RIC1: variants seen among roughly 807,000 people sequenced by gnomAD.
RIC1 encodes the protein guanine nucleotide exchange factor subunit RIC1.
In RIC1, 88 loss-of-function variants were observed where a neutral mutation model predicts 169.0. The observed-to-expected ratio is 0.52, with a 90% CI of 0.44 to 0.62. The LOEUF is 0.62. RIC1 is among the 20% of genes least tolerant of loss of function. The pLI is 0.00. For synonymous variants in RIC1, 790 were observed against 601.5 expected (o/e 1.31, Z -4.59); for missense variants, 1,877 against 1,725.5 (o/e 1.09, Z -1.56).
intron 7 of RIC1, among the ~76,000 whole-genome samples, chr9:5,736,148 A>T (rs1824690370): frequency 6.6e-6 from 1 of 152,242 alleles, no homozygotes; most frequent in Non-Finnish European, 1.5e-5. Flanking sequence ...GAGCTCAGCA[A>T]CCCAGGGTTA....
At chr9:5,664,707 T>A (rs1226254439) in intron 2 of RIC1, among the ~76,000 whole-genome samples, 3 of 152,198 alleles carry the variant, frequency 2.0e-5, no homozygotes, top group Non-Finnish European at 4.4e-5. Context: ...GAAATATGTT[T>A]TCCAACTTCG....
intron 17 of RIC1, among the ~76,000 whole-genome samples, chr9:5,758,228 AGG>A (rs1461024372): frequency 6.6e-6 from 1 of 152,182 alleles, no homozygotes; most frequent in African/African-American, 2.4e-5. Flanking sequence ...GTAAAGTAAC[AGG>A]GTAAGAAGTA....
At chr9:5,777,700 C>T (rs1033624456), downstream of RIC1, among the ~76,000 whole-genome samples, 3 of 152,196 alleles carry the variant, frequency 2.0e-5, no homozygotes, top group East Asian at 1.9e-4. Context: ...GATCTGACTT[C>T]GTTCTTCTAA....
At chr9:5,636,080 G>A (rs34232374) in intron 1 of RIC1, among the ~76,000 whole-genome samples, 24,699 of 152,086 alleles carry the variant, frequency 0.16, 3,780 homozygotes, top group African/African-American at 0.4. Context: ...TTGTTTTTCT[G>A]TTTATGTGAA....
intron 2 of RIC1, among the ~76,000 whole-genome samples, chr9:5,662,505 C>T (rs1012702349): frequency 1.3e-5 from 2 of 151,088 alleles, no homozygotes; most frequent in Non-Finnish European, 2.9e-5. Context: ...TATTACTTCT[C>T]AATTTCAGGA....
At chr9:5,647,194 G>A (rs953730654) in intron 1 of RIC1, among the ~76,000 whole-genome samples, 7 of 152,130 alleles carry the variant, frequency 4.6e-5, no homozygotes, top group Non-Finnish European at 8.8e-5. Context: ...GTGCCAGTAC[G>A]ACAGTATTTT....
intron 3 of RIC1, among the ~76,000 whole-genome samples, chr9:5,704,753 C>T (rs1408341545): frequency 6.6e-6 from 1 of 152,012 alleles, no homozygotes; most frequent in Non-Finnish European, 1.5e-5. Context: ...AATGCAAGGC[C>T]ATGACAATTT....
chr9:5,725,033 C>G (rs944359297), intron 6 of RIC1, among the ~76,000 whole-genome samples: 1 of 152,056 alleles, frequency 6.6e-6, no homozygotes, highest in African/African-American at 2.4e-5. Flanking sequence ...TTTGTTGTGT[C>G]TCTGCCAGGC....
intron 1 of RIC1, among the ~76,000 whole-genome samples, chr9:5,632,079 G>C (rs1036224308): frequency 6.6e-6 from 1 of 152,186 alleles, no homozygotes; most frequent in South Asian, 2.1e-4. Context: ...TTACAGAGTT[G>C]AAGTCTTACA....
chr9:5,753,464 ATACTAAGCTCTTTATGCCTAATAAAGTAT>A, intron 13 of RIC1, 43 bp from the exon 14 acceptor site: 1 of 955,880 alleles, frequency 1.0e-6, no homozygotes, highest in Non-Finnish European at 1.6e-6. Context: ...GCCTGACACA[ATACTAAGCTCTTTATGCCTAATAAAGTAT>A]ATAGGTTTGC....
At chr9:5,744,418 G>C (rs1413325251) in intron 10 of RIC1, among the ~76,000 whole-genome samples, 1 of 152,100 alleles carries the variant, frequency 6.6e-6, no homozygotes, top group Admixed American at 6.6e-5. Flanking sequence ...GAGAATTATG[G>C]TCACTGTTGT....
intron 1 of RIC1, among the ~76,000 whole-genome samples, chr9:5,651,271 C>G (rs894025911): frequency 1.3e-5 from 2 of 152,136 alleles, no homozygotes; most frequent in African/African-American, 4.8e-5. Flanking sequence ...TTCTTCCTTG[C>G]TTTAGGTGTT....
intron 4 of RIC1, among the ~76,000 whole-genome samples, chr9:5,715,426 T>C (rs1000503852): frequency 6.6e-6 from 1 of 152,198 alleles, no homozygotes. Context: ...ATTTAGGTGG[T>C]TGGAAATCTG....
At chr9:5,657,705 T>A (rs367547127) in intron 2 of RIC1, among the ~76,000 whole-genome samples, 2 of 152,160 alleles carry the variant, frequency 1.3e-5, no homozygotes, top group African/African-American at 4.8e-5. Context: ...GTTCATATGA[T>A]GAAAAATACT....
chr9:5,638,985 G>C (rs900991252), intron 1 of RIC1, among the ~76,000 whole-genome samples: 3 of 152,036 alleles, frequency 2.0e-5, no homozygotes, highest in East Asian at 1.9e-4. Flanking sequence ...GTGCAATCTC[G>C]TCTCACTGTA....
chr9:5,697,891 T>C (rs1821999194), intron 3 of RIC1, among the ~76,000 whole-genome samples: 1 of 152,192 alleles, frequency 6.6e-6, no homozygotes, highest in Non-Finnish European at 1.5e-5. Flanking sequence ...AAATAACAGA[T>C]TGCCAGGTAA....
At position 5,752,444 on chromosome 9, in the gene RIC1, G is replaced by GT. The variant is rs1218737207; in HGVS notation, c.1453-744dup. Reference sequence around the variant, plus strand: ...TGCATAATTTCATAAGTTTTTTTTTGTTTTTTTTTTTTGGAGACGGAGTTT... The same window carrying GT: ...TGCATAATTTCATAAGTTTTTTTTTGTTTTTTTTTTTTTGGAGACGGAGTTT... On this transcript the variant is annotated intron_variant, in intron 12 of 25. Transcript: ENST00000414202. 4.3e-3 allele frequency among the ~76,000 whole-genome samples: 609 copies of GT among 140,148 alleles called. 4 individuals are homozygous for GT. Among genetic ancestry groups the GT allele is most frequent in the Admixed American group, 7.4e-3 (103 of 13,950 alleles). The allele number at this position is 140,148 out of a possible 152,430, so 91.9% of individuals were successfully genotyped here.
At position 5,663,635 on chromosome 9, in the gene RIC1, G is replaced by A. The variant is rs73392604; in HGVS notation, c.252+6945G>A. 6.8e-3 allele frequency among the ~76,000 whole-genome samples: 1,039 copies of A among 152,110 alleles called. 16 individuals carry two copies. The highest frequency in any genetic ancestry group is 0.029 in the East Asian group (148 of 5,174). On this transcript the variant is annotated intron_variant, in intron 2 of 25. Transcript: ENST00000414202. Reference sequence around the variant, plus strand: ...TTGTGAGAAACTAGGATCGCAGTCCGTGGTTCTTTCTGTTTTCCATTTGCT... The same window carrying A: ...TTGTGAGAAACTAGGATCGCAGTCCATGGTTCTTTCTGTTTTCCATTTGCT...
intron 21 of RIC1, 29 bp from the exon 22 acceptor site, chr9:5,768,941 C>G (rs199509526): frequency 6.3e-7 from 1 of 1,579,674 alleles, no homozygotes; most frequent in Non-Finnish European, 8.6e-7. Flanking sequence ...AAAGATTATT[C>G]TGTAGCTTTC....
Sources: allele counts gnomAD v4.1 joint callset (sites outside exome capture counted in the v4.1 genomes callset), GRCh38; gene constraint gnomAD v4.1.1; transcripts MANE v1.5; gene names NCBI Gene and HGNC (gene_info 2026-07-23, HGNC 2026-07-21).